Variants in PLCE1 observed in about 807,000 individuals in gnomAD.
PLCE1 encodes the protein phospholipase C epsilon 1.
PLCE1 carries 119 observed loss-of-function variants against 242.8 expected under a neutral mutation model. The observed-to-expected ratio is 0.49, with a 90% CI of 0.42 to 0.57. The LOEUF (loss-of-function observed/expected upper bound fraction) is 0.57. Among genes scored for constraint, PLCE1 ranks in the 20% least tolerant of loss-of-function variants. PLCE1 has a pLI of 0.00. For missense variants in PLCE1, 2,441 were observed against 2,788.8 expected, an observed-to-expected ratio of 0.88 and a Z score of 2.81; for synonymous variants, 945 against 1,017.4, an observed-to-expected ratio of 0.93 and a Z score of 1.35.
chr10:94,269,664 T>C (rs553189044), intron 17 of PLCE1, among the ~76,000 whole-genome samples: 8 of 152,366 alleles, frequency 5.3e-5, no homozygotes, highest in Admixed American at 1.3e-4. Context: ...CAAGGTCTAT[T>C]TTCCTGCTAT....
chr10:94,068,212 C>A (rs1010438910), intron 2 of PLCE1, among the ~76,000 whole-genome samples: 1 of 152,148 alleles, frequency 6.6e-6, no homozygotes, highest in Non-Finnish European at 1.5e-5. Flanking sequence ...AAAGTAAGCC[C>A]AAGTGACACC....
intron 22 of PLCE1, among the ~76,000 whole-genome samples, chr10:94,291,988 T>C (rs191724036): frequency 3.3e-5 from 5 of 152,284 alleles, no homozygotes; most frequent in Admixed American, 2.6e-4. Context: ...GTAGAAGATA[T>C]TGACATGTGG....
intron 4 of PLCE1, among the ~76,000 whole-genome samples, chr10:94,207,514 CGTGTGTGTGTGTGTGTGTGT>C (rs56098317): frequency 1.4e-5 from 2 of 142,766 alleles, no homozygotes; most frequent in Non-Finnish European, 3.0e-5. Context: ...AATAGTTATA[CGTGTGTGTGTGTGTGTGTGT>C]GTGTGTGTGT....
intron 2 of PLCE1, among the ~76,000 whole-genome samples, chr10:94,086,205 A>G (rs1282630077): frequency 1.3e-5 from 2 of 152,276 alleles, no homozygotes; most frequent in East Asian, 1.9e-4. Flanking sequence ...TGGAGATGGT[A>G]TCATTGCTCA....
intron 23 of PLCE1, among the ~76,000 whole-genome samples, chr10:94,297,428 C>T (rs1054316156): frequency 3.3e-5 from 5 of 151,694 alleles, no homozygotes; most frequent in Non-Finnish European, 7.4e-5. Flanking sequence ...GAAGATCACT[C>T]GTCACAGATC....
intron 2 of PLCE1, among the ~76,000 whole-genome samples, chr10:94,115,682 G>T (rs1219943576): frequency 6.6e-6 from 1 of 152,164 alleles, no homozygotes. Flanking sequence ...CAGATGAGTA[G>T]ATTGTAAAAA....
At chr10:94,032,292 G>A in intron 2 of PLCE1, 40 bp downstream of exon 2, 4 of 1,598,130 alleles carry the variant, frequency 2.5e-6, no homozygotes, top group South Asian at 1.1e-5. Context: ...CTTTAAACTT[G>A]CTTTTTTTTT....
chr10:94,165,293 C>G (rs908192480), intron 3 of PLCE1, among the ~76,000 whole-genome samples: 2 of 152,218 alleles, frequency 1.3e-5, no homozygotes, highest in Non-Finnish European at 2.9e-5. Flanking sequence ...TCGAGCTTCC[C>G]GGCTGCTTTG....
intron 19 of PLCE1, among the ~76,000 whole-genome samples, chr10:94,274,005 G>A (rs537153116): frequency 6.6e-6 from 1 of 152,170 alleles, no homozygotes; most frequent in African/African-American, 2.4e-5. Flanking sequence ...CTGAAACTGA[G>A]CTTAGGGGGT....
At chr10:94,135,037 C>T (rs1459837812) in intron 3 of PLCE1, among the ~76,000 whole-genome samples, 3 of 152,110 alleles carry the variant, frequency 2.0e-5, no homozygotes, top group African/African-American at 7.2e-5. Context: ...GCATCCTCTC[C>T]CATTTGGTTT....
At chr10:94,254,580 A>G (rs1431774868) in intron 10 of PLCE1, among the ~76,000 whole-genome samples, 1 of 152,230 alleles carries the variant, frequency 6.6e-6, no homozygotes, top group African/African-American at 2.4e-5. Context: ...CCTTGGCTGC[A>G]TATTAGAGCT....
intron 3 of PLCE1, among the ~76,000 whole-genome samples, chr10:94,145,807 A>T (rs1453962046): frequency 1.3e-5 from 2 of 151,990 alleles, no homozygotes; most frequent in African/African-American, 4.8e-5. Context: ...CAGTTCAAGG[A>T]TTTAGGAGGC....
chr10:94,233,790 A>G (rs2050224598), intron 5 of PLCE1, among the ~76,000 whole-genome samples: 1 of 152,108 alleles, frequency 6.6e-6, no homozygotes, highest in African/African-American at 2.4e-5. Flanking sequence ...TCTACTAAAA[A>G]TATAAAAATT....
intron 4 of PLCE1, among the ~76,000 whole-genome samples, chr10:94,199,212 G>A (rs1389575188): frequency 6.6e-6 from 1 of 152,204 alleles, no homozygotes; most frequent in Non-Finnish European, 1.5e-5. Context: ...GCCACTAAAA[G>A]CATTCTCAAA....
chr10:94,293,540 A>C lies in PLCE1; in HGVS notation c.5068A>C (p.Arg1690=), dbSNP rs532871465. The C allele has an allele frequency of 1.4e-5, 22 of 1,613,914 alleles. No homozygotes were observed. The South Asian group carries it at 2.2e-4, about 16-fold the overall frequency. ...AACTCTAAATGCATCTGGCTCTAGC[A>C]GAGGAAAAGAAAGGAAAAGCAGGAA... is the stretch of plus-strand genomic sequence containing the variant. ...LSTLNASGSS[R]GKERKSRKSI... is the part of the protein sequence containing the mutation. Residue 1690 remains arginine (R), a synonymous_variant, in exon 23 of 33, where the codon AGA becomes CGA. Coordinates refer to ENST00000371380, the MANE Select transcript of PLCE1 (RefSeq NM_016341.4).
chr10:94,001,657 A>G lies in PLCE1; in HGVS notation c.-365+7399A>G, dbSNP rs143446758. Among the ~76,000 whole-genome samples the G allele has an allele frequency of 2.5e-3, 387 of 152,392 alleles. 2 individuals are homozygous for G. The highest frequency in any genetic ancestry group is 8.8e-3 in the African/African-American group (368 of 41,596). On this transcript the variant is annotated intron_variant, in intron 1 of 32. Coordinates refer to ENST00000371380, the MANE Select transcript of PLCE1 (RefSeq NM_016341.4). ...TACAAATCTGGGATTAAAATATCAC[A>G]TAACATGGCTTAATTTGGATATCAC...
Position 94,273,582 on chromosome 10 carries a change from G to A in PLCE1, c.4527G>A (p.Leu1509=). ...EIFKTVFGEK[L]VTKFLFETDF... ...TTTAGACTGTGTTTGGAGAAAAGCT[G>A]GTGACTAAATTCTTATTTGAGACTG... Residue 1509 remains leucine, a synonymous_variant, in exon 19 of 33, where the codon CTG becomes CTA. Transcript: ENST00000371380. 1 of 1,613,760 alleles carries A rather than the reference G, an allele frequency of 6.2e-7. No individual in the cohort carries two copies. Among genetic ancestry groups the A allele is most frequent in the Non-Finnish European group, 8.5e-7 (1 of 1,179,762 alleles).
chr10:94,005,511 A>G (rs1374274730), intron 1 of PLCE1, among the ~76,000 whole-genome samples: 1 of 152,208 alleles, frequency 6.6e-6, no homozygotes, highest in Admixed American at 6.5e-5. Context: ...TGAACTTCTC[A>G]GCATCTTTAC....
intron 21 of PLCE1, among the ~76,000 whole-genome samples, chr10:94,284,535 A>C (rs2052367062): frequency 6.6e-6 from 1 of 152,328 alleles, no homozygotes; most frequent in South Asian, 2.1e-4. Flanking sequence ...TGGAATTGTA[A>C]GATATGTCAA....
Sources: allele counts gnomAD v4.1 joint callset (sites outside exome capture counted in the v4.1 genomes callset), GRCh38; gene constraint gnomAD v4.1.1; transcripts MANE v1.5; gene names NCBI Gene and HGNC (gene_info 2026-07-23, HGNC 2026-07-21).